Variants in MMP26 observed in about 807,000 individuals in gnomAD.
The protein encoded by MMP26 is matrix metalloproteinase-26.
MMP26 carries 33 observed loss-of-function variants against 31.0 expected under a neutral mutation model. The observed-to-expected ratio is 1.06, with a 90% CI of 0.81 to 1.42. The LOEUF is 1.42. Ranked by LOEUF, MMP26 falls within the 40% of genes most tolerant of loss-of-function variation. MMP26 has a pLI of 0.00. For synonymous variants in MMP26, 122 were observed against 114.9 expected, an observed-to-expected ratio of 1.06 and a Z score of -0.40; for missense variants, 347 against 316.1, an observed-to-expected ratio of 1.10 and a Z score of -0.74.
chr11:4,829,331 C>T (rs1004165110), intron 2 of MMP26, among the ~76,000 whole-genome samples: 3 of 152,160 alleles, frequency 2.0e-5, no homozygotes, highest in Non-Finnish European at 2.9e-5. Flanking sequence ...CCCCCAACTC[C>T]ATCACATCAC....
chr11:4,854,391 G>A (rs1850019397), intron 2 of MMP26, among the ~76,000 whole-genome samples: 1 of 152,220 alleles, frequency 6.6e-6, no homozygotes, highest in African/African-American at 2.4e-5. Flanking sequence ...AACAGTCTTA[G>A]CAAATGGCAC....
At chr11:4,855,100 C>A (rs1488661778) in intron 2 of MMP26, among the ~76,000 whole-genome samples, 8 of 152,112 alleles carry the variant, frequency 5.3e-5, no homozygotes, top group African/African-American at 1.9e-4. Context: ...GATAAAACCA[C>A]AAAGATGGGG....
intron 2 of MMP26, among the ~76,000 whole-genome samples, chr11:4,815,536 A>AT (rs1413263822): frequency 2.0e-5 from 3 of 151,796 alleles, no homozygotes; most frequent in Non-Finnish European, 4.4e-5. Flanking sequence ...AGATTTATTT[A>AT]TTTTTCATAT....
chr11:4,724,104 C>T lies in MMP26; in HGVS notation c.-217+19059C>T, dbSNP rs77321626. ...GGCACCAGGTCCACTCGTGTAGGAG[C>T]GGCTGCTGAAGTCCTGGGGGGCTAG... On this transcript the variant is annotated intron_variant, in intron 1 of 7. Coordinates refer to ENST00000380390, the MANE Select transcript of MMP26 (RefSeq NM_021801.5). 3,681 of 636,190 alleles carry T rather than the reference C, an allele frequency of 5.8e-3. 111 individuals carry two copies. The African/African-American group carries it at 0.06, about 10-fold the overall frequency. The allele number at this position is 636,190 out of a possible 1,614,324, so 39.4% of individuals were successfully genotyped here.
chr11:4,883,238 T>C (rs201693127), intron 2 of MMP26, among the ~76,000 whole-genome samples: 1 of 10,534 alleles, frequency 9.5e-5, no homozygotes, highest in East Asian at 5.3e-4. Context: ...AGCTGAACAA[T>C]TTTTTTTTTT....
At position 4,882,068 on chromosome 11, in the gene MMP26, C is replaced by T. The variant is rs756969276; in HGVS notation, c.-144-106000C>T. ...TCTTGTCATCATTACTAAGCGGAGA[C>T]TCCACAAACCCATGTATTATTTCCT... On this transcript the variant is annotated intron_variant, in intron 2 of 7. Coordinates refer to ENST00000380390, the MANE Select transcript of MMP26 (RefSeq NM_021801.5). 6.4e-5 allele frequency: 103 copies of T among 1,613,794 alleles called. No individual in the cohort carries two copies. The highest frequency in any genetic ancestry group is 8.1e-5 in the Non-Finnish European group (96 of 1,179,904).
intron 2 of MMP26, chr11:4,859,577 C>T: frequency 2.6e-6 from 1 of 382,626 alleles, no homozygotes; most frequent in Non-Finnish European, 5.3e-6. Context: ...CCAGTGGATA[C>T]TTACTCTGCT....
chr11:4,763,843 T>C (rs1848596778), intron 1 of MMP26, among the ~76,000 whole-genome samples: 1 of 152,190 alleles, frequency 6.6e-6, no homozygotes, highest in Admixed American at 6.5e-5. Flanking sequence ...TTATTAGTTA[T>C]CTTAAAGTTT....
intron 2 of MMP26, among the ~76,000 whole-genome samples, chr11:4,807,951 C>T (rs907208867): frequency 3.3e-5 from 5 of 151,954 alleles, no homozygotes; most frequent in African/African-American, 4.8e-5. Flanking sequence ...ACTACAGATA[C>T]GCACCACAAC....
intron 2 of MMP26, among the ~76,000 whole-genome samples, chr11:4,801,634 C>T (rs1849184621): frequency 6.6e-6 from 1 of 151,880 alleles, no homozygotes; most frequent in Non-Finnish European, 1.5e-5. Flanking sequence ...CCTCCGCTTC[C>T]CCAGTTCAAG....
At chr11:4,730,776 A>G (rs1848163560) in intron 1 of MMP26, among the ~76,000 whole-genome samples, 1 of 152,130 alleles carries the variant, frequency 6.6e-6, no homozygotes, top group Non-Finnish European at 1.5e-5. Flanking sequence ...ACTCCCAAGG[A>G]TAGCTGGTAG....
intron 2 of MMP26, among the ~76,000 whole-genome samples, chr11:4,886,159 C>G (rs1416162936): frequency 2.6e-5 from 4 of 152,048 alleles, no homozygotes; most frequent in Non-Finnish European, 5.9e-5. Flanking sequence ...ATATTTGATT[C>G]TATCTCTGAT....
chr11:4,834,895 T>A (rs4411276), intron 2 of MMP26, among the ~76,000 whole-genome samples: 14,364 of 152,124 alleles, frequency 0.094, 820 homozygotes, highest in South Asian at 0.25. Flanking sequence ...GATTATTTTG[T>A]CTATATATAT....
chr11:4,817,461 C>T (rs975570313), intron 2 of MMP26, among the ~76,000 whole-genome samples: 1 of 152,076 alleles, frequency 6.6e-6, no homozygotes, highest in Non-Finnish European at 1.5e-5. Context: ...GTGGTATGCA[C>T]CTGTAGTCCA....
intron 2 of MMP26, among the ~76,000 whole-genome samples, chr11:4,831,931 A>G (rs984570589): frequency 1.3e-5 from 2 of 152,246 alleles, no homozygotes; most frequent in African/African-American, 2.4e-5. Flanking sequence ...GAATCCTGTG[A>G]TGAACCTGTT....
rs572558478 is a variant in MMP26 at position 4,813,708 on chromosome 11, C to A, written c.-145+46367C>A. Reference sequence around the variant, plus strand: ...AAATTTGAAAGCTAAAGCTATAGAGCTTCTTTAAAAAGTACAGTAATATTT... The same window carrying A: ...AAATTTGAAAGCTAAAGCTATAGAGATTCTTTAAAAAGTACAGTAATATTT... On this transcript the variant is annotated intron_variant, in intron 2 of 7. Transcript: ENST00000380390. Among the ~76,000 whole-genome samples the A allele has an allele frequency of 3.3e-5, 5 of 151,848 alleles. No homozygotes were observed. The East Asian group carries it at 9.7e-4, about 29-fold the overall frequency.
intron 2 of MMP26, among the ~76,000 whole-genome samples, chr11:4,965,115 G>T (rs986823774): frequency 6.6e-6 from 1 of 152,140 alleles, no homozygotes; most frequent in Non-Finnish European, 1.5e-5. Flanking sequence ...GACTTTCCTG[G>T]AGTATCACAT....
rs764307984 is a variant in MMP26, at chr11:4,821,604, G to T, written c.-145+54263G>T. On this transcript the variant is annotated intron_variant, in intron 2 of 7. Transcript: ENST00000380390. ...GTGAACGGAGCCTCCATAAGCCTATGTACTATTTCCTCTCTATGCTTTCAG... is the reference window on the plus strand; with the variant it reads ...GTGAACGGAGCCTCCATAAGCCTATTTACTATTTCCTCTCTATGCTTTCAG... The T allele has an allele frequency of 5.0e-6, 8 of 1,613,680 alleles. No individual in the cohort carries two copies. Among genetic ancestry groups the T allele is most frequent in the Non-Finnish European group, 6.8e-6 (8 of 1,179,826 alleles).
intron 1 of MMP26, among the ~76,000 whole-genome samples, chr11:4,726,381 G>A (rs376836558): frequency 1.1e-4 from 17 of 151,776 alleles, no homozygotes; most frequent in African/African-American, 2.9e-4. Context: ...AGAATCACTC[G>A]AACCCGGGAG....
Sources: gnomAD v4.1 joint callset for allele counts (sites outside exome capture counted in the v4.1 genomes callset) on GRCh38, gnomAD v4.1.1 for gene constraint, MANE v1.5 for transcripts, NCBI Gene and HGNC (gene_info 2026-07-23, HGNC 2026-07-21) for gene names.